FLI1: variants seen among roughly 807,000 people sequenced by gnomAD.
FLI1 encodes Fli-1 proto-oncogene, ETS transcription factor, also known as Friend leukemia integration 1 transcription factor.
In FLI1, 13 loss-of-function variants were observed where a neutral mutation model predicts 53.1. That is an observed-to-expected ratio of 0.24 (90% CI 0.16 to 0.39). The LOEUF is 0.39. Ranked by LOEUF, FLI1 falls within the 10% of genes least tolerant of loss-of-function variation. FLI1 has a pLI of 1.00. For missense variants in FLI1, 424 were observed against 600.5 expected (o/e 0.71, Z 3.07); for synonymous variants, 244 against 236.7 (o/e 1.03, Z -0.28).
chr11:128,685,575 C>T (rs1200912657), upstream of FLI1, among the ~76,000 whole-genome samples: 3 of 151,562 alleles, frequency 2.0e-5, no homozygotes, highest in African/African-American at 4.9e-5. Context: ...ATGTAGGGGA[C>T]CGGTGGGGTC....
intron 1 of FLI1, among the ~76,000 whole-genome samples, chr11:128,727,176 A>C (rs924533975): frequency 6.6e-6 from 1 of 152,230 alleles, no homozygotes; most frequent in Non-Finnish European, 1.5e-5. Context: ...TTGAGATCTT[A>C]GCTCTGCCAC....
upstream of FLI1, chr11:128,686,254 A>T (rs1036794269): frequency 1.8e-5 from 8 of 443,706 alleles, no homozygotes; most frequent in Admixed American, 1.9e-4. Flanking sequence ...TCTCTCCTCA[A>T]CACGCACCAA....
intron 1 of FLI1, among the ~76,000 whole-genome samples, chr11:128,702,944 T>C (rs1938401995): frequency 6.6e-6 from 1 of 150,716 alleles, no homozygotes; most frequent in African/African-American, 2.4e-5. Flanking sequence ...ATATTTATCA[T>C]ACATAAAGCA....
intron 1 of FLI1, among the ~76,000 whole-genome samples, chr11:128,706,143 G>A (rs1837047321): frequency 6.6e-6 from 1 of 152,170 alleles, no homozygotes; most frequent in African/African-American, 2.4e-5. Flanking sequence ...AACACAACAG[G>A]TGTGCAAGGA....
chr11:128,737,428 T>C (rs570773732), intron 1 of FLI1, among the ~76,000 whole-genome samples: 133 of 152,334 alleles, frequency 8.7e-4, no homozygotes, highest in Middle Eastern at 3.4e-3. Context: ...CTGTTCAACA[T>C]GGTCCTCCTC....
At chr11:128,713,586 T>C (rs931182258) in intron 1 of FLI1, among the ~76,000 whole-genome samples, 5 of 152,054 alleles carry the variant, frequency 3.3e-5, no homozygotes, top group East Asian at 1.9e-4. Context: ...ACAGGTATAG[T>C]TCCTCCTTGG....
intron 6 of FLI1, 114 bp downstream of exon 6, chr11:128,805,545 G>A: frequency 1.6e-6 from 1 of 640,992 alleles, no homozygotes; most frequent in Non-Finnish European, 2.7e-6. Flanking sequence ...TGCTTTTTGA[G>A]TAGACATCAA....
At chr11:128,741,925 C>T (rs912537775) in intron 1 of FLI1, among the ~76,000 whole-genome samples, 29 of 152,178 alleles carry the variant, frequency 1.9e-4, no homozygotes, top group South Asian at 8.3e-4. Flanking sequence ...CTCCCAGTGA[C>T]GGTGACAATG....
chr11:128,713,206 C>T (rs1203635309), intron 1 of FLI1, among the ~76,000 whole-genome samples: 2 of 152,218 alleles, frequency 1.3e-5, no homozygotes, highest in Non-Finnish European at 2.9e-5. Context: ...TGTAGTCCTG[C>T]TTCTCACTCA....
At chr11:128,765,201 C>T (rs1442696567) in intron 2 of FLI1, among the ~76,000 whole-genome samples, 2 of 152,194 alleles carry the variant, frequency 1.3e-5, no homozygotes, top group Non-Finnish European at 2.9e-5. Flanking sequence ...CGTCTAGGTG[C>T]CCATGGCTCC....
chr11:128,747,934 G>A (rs1940471105), intron 1 of FLI1, among the ~76,000 whole-genome samples: 1 of 152,218 alleles, frequency 6.6e-6, no homozygotes, highest in African/African-American at 2.4e-5. Context: ...AGCATTCTCT[G>A]TGGGAGGAGA....
At chr11:128,718,659 G>GT (rs1195607588) in intron 1 of FLI1, among the ~76,000 whole-genome samples, 3 of 152,132 alleles carry the variant, frequency 2.0e-5, no homozygotes, top group Non-Finnish European at 4.4e-5. Flanking sequence ...TTTGGTTTGG[G>GT]TTTTTTTAGC....
intron 1 of FLI1, among the ~76,000 whole-genome samples, chr11:128,722,574 G>A (rs1055896301): frequency 6.6e-6 from 1 of 152,180 alleles, no homozygotes; most frequent in African/African-American, 2.4e-5. Context: ...ACCTGTATTT[G>A]AACCAAGAGA....
intron 1 of FLI1, among the ~76,000 whole-genome samples, chr11:128,756,746 T>C (rs1175670058): frequency 1.3e-5 from 2 of 152,228 alleles, no homozygotes; most frequent in Admixed American, 6.5e-5. Context: ...AGACTTACTT[T>C]GGTGTAATTA....
chr11:128,783,338 C>T (rs1483092480), intron 5 of FLI1, among the ~76,000 whole-genome samples: 4 of 152,210 alleles, frequency 2.6e-5, no homozygotes, highest in African/African-American at 9.7e-5. Context: ...TTTGTGTTTC[C>T]TGTTAACAAT....
intron 1 of FLI1, among the ~76,000 whole-genome samples, chr11:128,709,456 C>A (rs1400192965): frequency 1.3e-5 from 2 of 152,172 alleles, no homozygotes; most frequent in African/African-American, 4.8e-5. Flanking sequence ...TCTCTTTGCC[C>A]ATGTAGACAC....
chr11:128,769,169 C>A (rs1941464213), intron 3 of FLI1, among the ~76,000 whole-genome samples: 1 of 152,164 alleles, frequency 6.6e-6, no homozygotes, highest in South Asian at 2.1e-4. Flanking sequence ...ATCGTTCAGT[C>A]CTTCAGTCCA....
chr11:128,709,322 C>T (rs892944058), intron 1 of FLI1, among the ~76,000 whole-genome samples: 1 of 152,150 alleles, frequency 6.6e-6, no homozygotes, highest in Non-Finnish European at 1.5e-5. Context: ...TCATTCAAGT[C>T]GATGCATGAA....
chr11:128,754,825 G>A (rs879305149), intron 1 of FLI1, among the ~76,000 whole-genome samples: 2 of 152,266 alleles, frequency 1.3e-5, no homozygotes, highest in African/African-American at 2.4e-5. Context: ...GGACAGAAGT[G>A]TGAGGCATTC....
Sources: gnomAD v4.1 joint callset for allele counts (sites outside exome capture counted in the v4.1 genomes callset) on GRCh38, gnomAD v4.1.1 for gene constraint, MANE v1.5 for transcripts, NCBI Gene and HGNC (gene_info 2026-07-23, HGNC 2026-07-21) for gene names.